The following HNF4G variants were observed in gnomAD, a reference collection of about 807,000 sequenced individuals.
HNF4G encodes hepatocyte nuclear factor 4-gamma.
Under a neutral mutation model 50.9 loss-of-function variants are expected in HNF4G, and 21 were observed. The observed-to-expected ratio is 0.41, with a 90% CI of 0.29 to 0.59. The LOEUF (loss-of-function observed/expected upper bound fraction) is 0.59. HNF4G is among the 20% of genes least tolerant of loss of function. The pLI is 0.26. For synonymous variants in HNF4G, 198 were observed against 185.6 expected (o/e 1.07, Z -0.54); for missense variants, 527 against 559.4 (o/e 0.94, Z 0.58).
At chr8:75,461,249 C>CT (rs1811832750) in intron 1 of HNF4G, among the ~76,000 whole-genome samples, 1 of 152,164 alleles carries the variant, frequency 6.6e-6, no homozygotes, top group African/African-American at 2.4e-5. Context: ...GTGCATTCCT[C>CT]TGAAGAAGCC....
intron 1 of HNF4G, among the ~76,000 whole-genome samples, chr8:75,486,410 A>C (rs1812498849): frequency 6.6e-6 from 1 of 152,166 alleles, no homozygotes; most frequent in Non-Finnish European, 1.5e-5. Context: ...TGATTTGGCC[A>C]TCTTTCTTTT....
At chr8:75,425,018 T>C (rs1810858341) in intron 1 of HNF4G, among the ~76,000 whole-genome samples, 1 of 152,130 alleles carries the variant, frequency 6.6e-6, no homozygotes, top group South Asian at 2.1e-4. Flanking sequence ...CAATAGTGTA[T>C]AAGCATTTCC....
At chr8:75,437,788 G>A (rs546660864) in intron 1 of HNF4G, among the ~76,000 whole-genome samples, 8 of 151,848 alleles carry the variant, frequency 5.3e-5, no homozygotes, top group African/African-American at 1.7e-4. Context: ...CATTAGATTC[G>A]GTAGACATAA....
chr8:75,543,807 A>G lies in HNF4G; in HGVS notation c.119-4A>G. 1 of 1,604,852 alleles carries G rather than the reference A, an allele frequency of 6.2e-7. No homozygotes were observed. The highest frequency in any genetic ancestry group is 8.5e-7 in the Non-Finnish European group (1 of 1,176,132). ...TAACTGTAATCTTCCTTTTTTATTG[A>G]CAGATAGTTCTGCCCCAGAGACAAG... On this transcript the variant is annotated splice_region_variant and splice_polypyrimidine_tract_variant and intron_variant, in intron 1 of 9. Coordinates refer to ENST00000396423, the MANE Select transcript of HNF4G (RefSeq NM_004133.5).
intron 9 of HNF4G, 86 bp downstream of exon 9, chr8:75,560,552 C>T: frequency 7.5e-7 from 1 of 1,330,982 alleles, no homozygotes; most frequent in South Asian, 1.4e-5. Context: ...TATTAGTAAC[C>T]AGAAATGGCA....
intron 2 of HNF4G, among the ~76,000 whole-genome samples, chr8:75,499,461 T>A (rs1437768815): frequency 6.6e-6 from 1 of 152,016 alleles, no homozygotes. Context: ...CTCCACAAAT[T>A]GATTTACATA....
At chr8:75,413,699 C>T (rs1810560363) in intron 1 of HNF4G, among the ~76,000 whole-genome samples, 1 of 151,136 alleles carries the variant, frequency 6.6e-6, no homozygotes, top group Non-Finnish European at 1.5e-5. Context: ...TGAAACCCCA[C>T]AAAAAAATGA....
chr8:75,485,751 C>G (rs894415555), intron 1 of HNF4G: 5 of 152,126 alleles, frequency 3.3e-5, no homozygotes, highest in Non-Finnish European at 5.9e-5. Context: ...CTATAGATTT[C>G]CTCTTATACT....
At chr8:75,541,279 T>C (rs1162626725) in intron 1 of HNF4G, among the ~76,000 whole-genome samples, 2 of 152,128 alleles carry the variant, frequency 1.3e-5, no homozygotes, top group Non-Finnish European at 2.9e-5. Context: ...ATATCCAAAG[T>C]ATGGTGTAAC....
intron 1 of HNF4G, chr8:75,408,276 A>G: frequency 6.6e-6 from 1 of 152,550 alleles, no homozygotes; most frequent in Non-Finnish European, 1.5e-5. Flanking sequence ...AGAGAGAGAG[A>G]GAGTTGTATT....
At chr8:75,471,110 G>A (rs1488418053) in intron 1 of HNF4G, among the ~76,000 whole-genome samples, 1 of 152,124 alleles carries the variant, frequency 6.6e-6, no homozygotes, top group African/African-American at 2.4e-5. Context: ...AATAAAAAAT[G>A]CTTTAAGAGT....
intron 8 of HNF4G, 84 bp downstream of exon 8, chr8:75,559,121 T>A: frequency 2.2e-6 from 2 of 905,652 alleles, no homozygotes; most frequent in Non-Finnish European, 1.8e-6. Context: ...TGTCCATATT[T>A]AATTCATCTA....
intron 1 of HNF4G, among the ~76,000 whole-genome samples, chr8:75,477,399 C>G (rs919630758): frequency 6.6e-6 from 1 of 152,020 alleles, no homozygotes; most frequent in Non-Finnish European, 1.5e-5. Flanking sequence ...TCTACATTTA[C>G]AGTCAAATTC....
intron 1 of HNF4G, among the ~76,000 whole-genome samples, chr8:75,451,326 C>A (rs113288007): frequency 0.034 from 5,226 of 151,972 alleles, 122 homozygotes; most frequent in South Asian, 0.055. Context: ...GGCTGTGCAG[C>A]GCTTTTTAGT....
At chr8:75,481,244 T>C (rs1343384771) in intron 1 of HNF4G, among the ~76,000 whole-genome samples, 1 of 152,210 alleles carries the variant, frequency 6.6e-6, no homozygotes, top group Non-Finnish European at 1.5e-5. Flanking sequence ...TAACACTTTA[T>C]GAGCCATTTA....
intron 2 of HNF4G, among the ~76,000 whole-genome samples, chr8:75,513,809 A>G (rs1431255084): frequency 1.3e-5 from 2 of 151,532 alleles, no homozygotes; most frequent in Non-Finnish European, 2.9e-5. Context: ...TTTGAAAGCA[A>G]GTGGACTTTT....
At chr8:75,532,273 G>A (rs1031960156) in intron 2 of HNF4G, among the ~76,000 whole-genome samples, 2 of 151,830 alleles carry the variant, frequency 1.3e-5, no homozygotes, top group African/African-American at 4.8e-5. Context: ...TTTCTAAAAT[G>A]TTATTTTCAT....
intron 2 of HNF4G, among the ~76,000 whole-genome samples, chr8:75,492,779 C>G (rs1563527690): frequency 1.3e-5 from 2 of 152,018 alleles, no homozygotes; most frequent in African/African-American, 2.4e-5. Flanking sequence ...AGAAACCACT[C>G]AAGGAAGGCC....
At chr8:75,481,769 C>T (rs1476131551) in intron 1 of HNF4G, among the ~76,000 whole-genome samples, 2 of 151,694 alleles carry the variant, frequency 1.3e-5, no homozygotes, top group African/African-American at 4.8e-5. Context: ...TCTAAATTTT[C>T]AATGAAATTT....
Sources: gnomAD v4.1 joint callset for allele counts (sites outside exome capture counted in the v4.1 genomes callset) on GRCh38, gnomAD v4.1.1 for gene constraint, MANE v1.5 for transcripts, NCBI Gene and HGNC (gene_info 2026-07-23, HGNC 2026-07-21) for gene names.